RFT1: variants seen among roughly 807,000 people sequenced by gnomAD.
RFT1 encodes man(5)GlcNAc(2)-PP-dolichol translocation protein RFT1.
A neutral mutation model predicts 62.2 loss-of-function variants in RFT1; 43 were observed. The ratio of observed to expected loss-of-function variants is 0.69; its 90% CI spans 0.54 to 0.89. The LOEUF (loss-of-function observed/expected upper bound fraction) is 0.89, where lower values mean the gene tolerates loss of function less well. RFT1 is among the 40% of genes least tolerant of loss of function. RFT1 has a pLI of 0.00. For missense variants in RFT1, 605 were observed against 649.9 expected, an observed-to-expected ratio of 0.93 and a Z score of 0.75; for synonymous variants, 262 against 264.6, an observed-to-expected ratio of 0.99 and a Z score of 0.10.
At chr3:53,102,584 A>G (rs1701348240) in intron 10 of RFT1, among the ~76,000 whole-genome samples, 1 of 152,244 alleles carries the variant, frequency 6.6e-6, no homozygotes, top group African/African-American at 2.4e-5. Context: ...AGGATTTCTA[A>G]GAAAAGCCTC....
At chr3:53,121,923 G>A (rs1701980482) in intron 4 of RFT1, 123 bp from the exon 5 acceptor site, 3 of 761,842 alleles carry the variant, frequency 3.9e-6, no homozygotes, top group Non-Finnish European at 6.8e-6. Flanking sequence ...CACACAGCTG[G>A]ACATAAGTAT....
the RFT1 span, among the ~76,000 whole-genome samples, chr3:53,076,317 T>C: frequency 4.0e-5 from 6 of 151,740 alleles, no homozygotes; most frequent in Non-Finnish European, 7.4e-5. Flanking sequence ...TTGGTAAGAG[T>C]GGAATAAGTA....
At chr3:53,110,860 G>GTC (rs1490521209) in intron 7 of RFT1, among the ~76,000 whole-genome samples, 1 of 152,160 alleles carries the variant, frequency 6.6e-6, no homozygotes, top group African/African-American at 2.4e-5. Context: ...ACTTACAGCT[G>GTC]TCTTAAATCT....
the RFT1 span, among the ~76,000 whole-genome samples, chr3:53,075,954 G>T: frequency 1.3e-5 from 2 of 152,318 alleles, no homozygotes; most frequent in African/African-American, 4.8e-5. Context: ...TTAACATGGG[G>T]TGATCAGAGA....
At position 53,106,546 on chromosome 3, in the gene RFT1, G is replaced by A. The variant is rs368737703; in HGVS notation, c.826+273C>T. On this transcript the variant is annotated intron_variant, in intron 8 of 12. Transcript: ENST00000296292. ...CAGATTTTTGTGGCTGTGACAGTGA[G>A]CTCCCTTTTCTCCTCTCTTGGCACC... 2.0e-3 allele frequency among the ~76,000 whole-genome samples: 300 copies of A among 152,280 alleles called. 15 individuals carry two copies. In the South Asian group the frequency reaches 0.059, roughly 30 times the overall value.
At chr3:53,095,595 T>C (rs1701116545) in intron 11 of RFT1, among the ~76,000 whole-genome samples, 1 of 152,126 alleles carries the variant, frequency 6.6e-6, no homozygotes. Context: ...TACACACCTA[T>C]AGTCTCAGCT....
chr3:53,096,970 C>G (rs1369320443), intron 11 of RFT1, among the ~76,000 whole-genome samples: 1 of 152,124 alleles, frequency 6.6e-6, no homozygotes, highest in Non-Finnish European at 1.5e-5. Flanking sequence ...GTCTCGAACT[C>G]CTGACCTCAG....
downstream of RFT1, among the ~76,000 whole-genome samples, chr3:53,084,384 CA>C (rs1453817158): frequency 6.6e-6 from 1 of 152,248 alleles, no homozygotes; most frequent in Admixed American, 6.5e-5. Flanking sequence ...GCGCTGCCCG[CA>C]GACAGTCATG....
At chr3:53,086,140 A>G (rs1700847976), downstream of RFT1, among the ~76,000 whole-genome samples, 1 of 152,240 alleles carries the variant, frequency 6.6e-6, no homozygotes, top group Non-Finnish European at 1.5e-5. Flanking sequence ...ATTAAGGACC[A>G]ATTCACTCAG....
chr3:53,116,578 G>A (rs1701809095), intron 6 of RFT1, among the ~76,000 whole-genome samples: 1 of 152,044 alleles, frequency 6.6e-6, no homozygotes, highest in East Asian at 1.9e-4. Flanking sequence ...ACAGGCTTGA[G>A]CCACCACACC....
At chr3:53,118,270 A>G (rs1192735943) in intron 6 of RFT1, among the ~76,000 whole-genome samples, 1 of 152,186 alleles carries the variant, frequency 6.6e-6, no homozygotes, top group Non-Finnish European at 1.5e-5. Context: ...ACCAGGAGAC[A>G]CTAAGGGGAA....
chr3:53,125,956 A>G lies in RFT1; in HGVS notation c.102T>C (p.Phe34=), dbSNP rs1281536684. The change falls in exon 2 of 13, where the codon TTT becomes TTC. Residue 34 remains phenylalanine, a synonymous_variant. Coordinates refer to ENST00000296292, the MANE Select transcript of RFT1 (RefSeq NM_052859.4). The part of the protein sequence containing the change: ...FRLITFVLNA[F]ILRFLSKEIV... The stretch of plus-strand genomic sequence containing the variant: ...TTTCCTTTGACAGGAAGCGAAGAAT[A>G]AATGCATTCAAGACAAAGGTGATCA... 6.2e-7 allele frequency: 1 copy of G among 1,613,880 alleles called. No homozygotes were observed.
At chr3:53,098,033 A>G (rs370266415) in intron 11 of RFT1, among the ~76,000 whole-genome samples, 8 of 152,250 alleles carry the variant, frequency 5.3e-5, no homozygotes, top group African/African-American at 1.9e-4. Context: ...AAGAGAGAGT[A>G]GAAAGCATCA....
At chr3:53,117,229 A>G (rs779365334) in intron 6 of RFT1, among the ~76,000 whole-genome samples, 58 of 152,356 alleles carry the variant, frequency 3.8e-4, no homozygotes, top group Non-Finnish European at 5.4e-4. Flanking sequence ...AGTGCATGGC[A>G]CAAAACATGC....
chr3:53,080,304 G>A, the RFT1 span, among the ~76,000 whole-genome samples: 5 of 152,226 alleles, frequency 3.3e-5, no homozygotes, highest in Middle Eastern at 3.4e-3. Flanking sequence ...TTTCTTCCCC[G>A]GGCCTAGTCA....
At chr3:53,098,380 C>A (rs1213886574) in intron 11 of RFT1, among the ~76,000 whole-genome samples, 2 of 152,282 alleles carry the variant, frequency 1.3e-5, no homozygotes, top group Non-Finnish European at 2.9e-5. Flanking sequence ...TTTACATGAG[C>A]CAGCGCAGGA....
intron 7 of RFT1, among the ~76,000 whole-genome samples, chr3:53,108,938 G>C (rs1284215320): frequency 6.6e-6 from 1 of 152,058 alleles, no homozygotes; most frequent in African/African-American, 2.4e-5. Flanking sequence ...CACAGTGCTG[G>C]GATTACAGGC....
chr3:53,095,725 T>TA (rs5848975), intron 11 of RFT1, among the ~76,000 whole-genome samples: 2 of 146,324 alleles, frequency 1.4e-5, no homozygotes, highest in South Asian at 2.2e-4. Flanking sequence ...CAAAAAAAGT[T>TA]AAAAAAAAAA....
the RFT1 span, chr3:53,077,656 C>A: frequency 0.013 from 1,936 of 152,094 alleles, 115 homozygotes; most frequent in South Asian, 0.17. Flanking sequence ...TTTACTGACA[C>A]CCAGAGGAAT....
Sources: allele counts gnomAD v4.1 joint callset (sites outside exome capture counted in the v4.1 genomes callset), GRCh38; gene constraint gnomAD v4.1.1; transcripts MANE v1.5; gene names NCBI Gene and HGNC (gene_info 2026-07-23, HGNC 2026-07-21).